APOBR: variants seen among roughly 807,000 people sequenced by gnomAD.
APOBR encodes apolipoprotein B receptor, also known as apoB-48R.
In APOBR, 57 loss-of-function variants were observed where a neutral mutation model predicts 88.5. The ratio of observed to expected loss-of-function variants is 0.64; its 90% confidence interval spans 0.52 to 0.80. APOBR has a LOEUF of 0.80. Ranked by LOEUF, APOBR falls within the 30% of genes least tolerant of loss-of-function variation. The probability of loss-of-function intolerance (pLI) is 0.00; values close to 1 mark genes in which losing one functional copy is unlikely to be tolerated. For synonymous variants in APOBR, 588 were observed against 572.7 expected, an observed-to-expected ratio of 1.03 and a Z score of -0.38; for missense variants, 1,443 against 1,401.6, an observed-to-expected ratio of 1.03 and a Z score of -0.47.
Position 28,496,560 on chromosome 16 carries a change from G to A in APOBR, c.1519G>A (p.Glu507Lys). Residue 507 changes from glutamate to lysine, a missense_variant, in exon 2 of 4, where the codon GAG becomes AAG. Coordinates refer to ENST00000564831, the MANE Select transcript of APOBR (RefSeq NM_018690.4). ...AGGGAGCAGCAGGGATCCAGTGGCT[G>A]AGCTGCCCTCAGATGGAGAGGCTGA... ...ERGSSRDPVA[E>K]LPSDGEAEGT... The A allele has an allele frequency of 6.4e-7, 1 of 1,564,502 alleles. No individual in the cohort carries two copies. The highest frequency in any genetic ancestry group is 8.7e-7 in the Non-Finnish European group (1 of 1,155,238).
Position 28,498,121 on chromosome 16 carries a change from G to A in APOBR, c.2996G>A (p.Arg999Lys). The change falls in exon 3 of 4, where the codon AGG (arginine) becomes AAG (lysine). Residue 999 changes from arginine (R) to lysine (K), a missense_variant. Coordinates refer to ENST00000564831, the MANE Select transcript of APOBR (RefSeq NM_018690.4). ...PGSLLDVSVP[R>K]SRVHLSRSSS... ...TCCCTCCTAGACGTCTCTGTCCCAAGGAGTCGCGTGCACCTCTCGAGAAGC... is the reference window on the plus strand; with the variant it reads ...TCCCTCCTAGACGTCTCTGTCCCAAAGAGTCGCGTGCACCTCTCGAGAAGC... The A allele has an allele frequency of 1.3e-6, 2 of 1,590,960 alleles. No individual in the cohort carries two copies. Among genetic ancestry groups the A allele is most frequent in the South Asian group, 1.1e-5 (1 of 90,542 alleles).
At position 28,497,945 on chromosome 16, in the gene APOBR, G is replaced by T. The variant is rs747415299; in HGVS notation, c.2904G>T (p.Thr968=). 6.2e-7 allele frequency: 1 copy of T among 1,612,966 alleles called. No individual in the cohort carries two copies. Among genetic ancestry groups the T allele is most frequent in the Admixed American group, 1.7e-5 (1 of 59,914 alleles). The part of the protein sequence containing the change: ...AAPESVGEAE[T]AEAMGSARGG... ...CGGAGTCAGTCGGGGAAGCCGAGAC[G>T]GCTGAGGCCATGGGCAGTGCCAGAG... Residue 968 remains threonine (T), a synonymous_variant, in exon 2 of 4, where the codon ACG becomes ACT. Transcript: ENST00000564831.
Position 28,495,479 on chromosome 16 carries a change from TG to T in APOBR, c.442del (p.Ala148LeufsTer20). On this transcript the variant is annotated frameshift_variant, in exon 2 of 4. Transcript: ENST00000564831. LOFTEE classifies it high-confidence loss of function. ...EARKKSKAGS[G>X]ACQDRSGQAQ... Reference sequence around the variant, plus strand: ...CCAGAAAGAAATCCAAGGCAGGGTCTGGGGCTTGCCAAGACAGGAGCGGCCA... The same window carrying T: ...CCAGAAAGAAATCCAAGGCAGGGTCTGGGCTTGCCAAGACAGGAGCGGCCA... 6.4e-7 allele frequency: 1 copy of T among 1,564,656 alleles called. No homozygotes were observed. The highest frequency in any genetic ancestry group is 8.7e-7 in the Non-Finnish European group (1 of 1,154,870).
In APOBR at chr16:28,498,100, T is replaced by C; in HGVS notation, c.2975T>C (p.Leu992Pro). 1.3e-6 allele frequency: 2 copies of C among 1,575,854 alleles called. No homozygotes were observed. The highest frequency in any genetic ancestry group is 1.7e-6 in the Non-Finnish European group (2 of 1,165,580). The change falls in exon 3 of 4, where the codon CTC (leucine) becomes CCC (proline). Residue 992 changes from leucine (L) to proline (P), a missense_variant. Transcript: ENST00000564831. ...SWSEAPLPGS[L>P]LDVSVPRSRV... ...CTGCAGGCCCCGCTCCCCGGGTCCC[T>C]CCTAGACGTCTCTGTCCCAAGGAGT... is the stretch of plus-strand genomic sequence containing the variant.
rs1435137671 is a variant in APOBR at position 28,495,656 on chromosome 16, G to A, written c.615G>A (p.Glu205=). 1.2e-5 allele frequency: 19 copies of A among 1,547,706 alleles called. No individual in the cohort carries two copies. Among genetic ancestry groups the A allele is most frequent in the Non-Finnish European group, 1.6e-5 (18 of 1,144,500 alleles). The change falls in exon 2 of 4, where the codon GAG becomes GAA. Residue 205 remains glutamate (E), a synonymous_variant. Coordinates refer to ENST00000564831, the MANE Select transcript of APOBR (RefSeq NM_018690.4). Reference sequence around the variant, plus strand: ...AGTCAGAGTGGACCTGGCATGGGGAGACGGAGGGGAAGGCTGGTGCTGTTG... The same window carrying A: ...AGTCAGAGTGGACCTGGCATGGGGAAACGGAGGGGAAGGCTGGTGCTGTTG... ...GAESEWTWHG[E]TEGKAGAVGP...
At position 28,497,061 on chromosome 16, in the gene APOBR, C is replaced by T. The variant is rs762408324; in HGVS notation, c.2020C>T (p.Pro674Ser). The T allele has an allele frequency of 6.3e-7, 1 of 1,592,436 alleles. No homozygotes were observed. The highest frequency in any genetic ancestry group is 1.1e-5 in the South Asian group (1 of 87,790). ...CCGAGAGTCTGAACTATCAGAAGTC[C>T]CAGAGGCAGGCGGGGAGGGGCTGAC... ...GDRESELSEV[P>S]EAGGEGLTTQ... is the part of the protein sequence containing the mutation. Residue 674 changes from proline to serine, a missense_variant, in exon 2 of 4, where the codon CCA becomes TCA. By Grantham distance (74) the Pro-to-Ser change is moderately conservative. Coordinates refer to ENST00000564831, the MANE Select transcript of APOBR (RefSeq NM_018690.4).
chr16:28,498,514 C>T lies in APOBR; in HGVS notation c.*9C>T, dbSNP rs752188528. On this transcript the variant is annotated 3_prime_UTR_variant, in exon 4 of 4. Coordinates refer to ENST00000564831, the MANE Select transcript of APOBR (RefSeq NM_018690.4). ...GGCCTAAGCCCCAGTGACTGAGACC[C>T]GGTGCTCTGGGAGCCAGGCCCTGAG... The T allele has an allele frequency of 1.2e-5, 19 of 1,586,368 alleles. No individual in the cohort carries two copies. The Admixed American group carries it at 1.3e-4, about 10-fold the overall frequency.
Position 28,495,146 on chromosome 16 carries a change from C to A in APOBR, c.105C>A (p.Pro35=). 6.4e-7 allele frequency: 1 copy of A among 1,561,538 alleles called. No individual in the cohort carries two copies. Among genetic ancestry groups the A allele is most frequent in the East Asian group, 2.3e-5 (1 of 43,794 alleles). ...FVSYLLGDAV[P]TVEREAQAAE... is the part of the protein sequence containing the mutation. ...CCTACCTCCTGGGAGATGCAGTCCC[C>A]ACTGTAGAGCGGGAGGCGCAGGCGG... The change falls in exon 2 of 4, where the codon CCC becomes CCA. Residue 35 remains proline, a synonymous_variant. Transcript: ENST00000564831.
Position 28,496,199 on chromosome 16 carries a change from C to CA in APOBR, c.1159dup (p.Arg387LysfsTer29), listed in dbSNP as rs772191049. 1 of 1,577,162 alleles carries CA rather than the reference C, an allele frequency of 6.3e-7. No individual in the cohort carries two copies. Among genetic ancestry groups the CA allele is most frequent in the Non-Finnish European group, 8.6e-7 (1 of 1,163,558 alleles). ...AAGAGGAGGCTGACCTGCTGGGAGT[C>CA]AGACAGACAGAATATGGAGCAGTCC... On this transcript the variant is annotated frameshift_variant, in exon 2 of 4. Coordinates refer to ENST00000564831, the MANE Select transcript of APOBR (RefSeq NM_018690.4). LOFTEE classifies it high-confidence loss of function.
rs758959943 is a variant in APOBR, at chr16:28,495,382, A to C, written c.341A>C (p.Glu114Ala). The C allele has an allele frequency of 7.0e-6, 11 of 1,562,774 alleles. No individual in the cohort carries two copies. In the East Asian group the frequency reaches 2.6e-4, roughly 37 times the overall value. ...GDGSSHGSQAERQDSGAGETA... is the reference protein window; with the variant it reads ...GDGSSHGSQAARQDSGAGETA... ...GGCAGCTCCCATGGGTCCCAAGCAG[A>C]GAGGCAGGACAGTGGGGCTGGGGAG... Residue 114 changes from glutamate (E) to alanine (A), a missense_variant, in exon 2 of 4, where the codon GAG becomes GCG. Glu to Ala is a moderately radical substitution (Grantham distance 107). Transcript: ENST00000564831.
At position 28,497,404 on chromosome 16, in the gene APOBR, A is replaced by G. The variant is rs142014155; in HGVS notation, c.2363A>G (p.Gln788Arg). 1.2e-6 allele frequency: 2 copies of G among 1,613,292 alleles called. No homozygotes were observed. Among genetic ancestry groups the G allele is most frequent in the East Asian group, 2.2e-5 (1 of 44,858 alleles). The change falls in exon 2 of 4, where the codon CAA becomes CGA. Residue 788 changes from glutamine (Q) to arginine (R), a missense_variant. Coordinates refer to ENST00000564831, the MANE Select transcript of APOBR (RefSeq NM_018690.4). Reference sequence around the variant, plus strand: ...GAAGCTTTGGAAGGGGTGCTTGGGCAAGGCTGGGACTCGAAAGAAAAGGAA... The same window carrying G: ...GAAGCTTTGGAAGGGGTGCTTGGGCGAGGCTGGGACTCGAAAGAAAAGGAA... Reference protein sequence around the residue: ...AGEALEGVLGQGWDSKEKEEA... With the variant: ...AGEALEGVLGRGWDSKEKEEA...
chr16:28,497,724 G>C lies in APOBR; in HGVS notation c.2683G>C (p.Glu895Gln), dbSNP rs752368100. Residue 895 changes from glutamate to glutamine, a missense_variant, in exon 2 of 4, where the codon GAA becomes CAA. Transcript: ENST00000564831. ...EEEAVGWQER[E>Q]QREDSEGRCG... ...AGAGGCTGTTGGATGGCAGGAGAGA[G>C]AACAGAGGGAAGACAGTGAGGGGCG... The C allele has an allele frequency of 6.2e-7, 1 of 1,604,848 alleles. No individual in the cohort carries two copies. Among genetic ancestry groups the C allele is most frequent in the East Asian group, 2.2e-5 (1 of 44,592 alleles).
chr16:28,495,240 C>A lies in APOBR; in HGVS notation c.199C>A (p.Leu67Met). ...KIVEEEAQEDLEGLRGSQNEG... is the reference protein window; with the variant it reads ...KIVEEEAQEDMEGLRGSQNEG... ...TGTAGAGGAGGAAGCCCAGGAGGAC[C>A]TGGAGGGCCTTAGAGGCAGCCAAAA... The change falls in exon 2 of 4, where the codon CTG becomes ATG. Residue 67 changes from leucine to methionine, a missense_variant. Leu to Met is a conservative substitution (Grantham distance 15). Coordinates refer to ENST00000564831, the MANE Select transcript of APOBR (RefSeq NM_018690.4). 2 of 1,541,228 alleles carry A rather than the reference C, an allele frequency of 1.3e-6. No individual in the cohort carries two copies. Among genetic ancestry groups the A allele is most frequent in the East Asian group, 2.3e-5 (1 of 43,402 alleles).
rs1201031654 is a variant in APOBR at position 28,496,261 on chromosome 16, G to A, written c.1220G>A (p.Trp407Ter). ...ERLLEATGKV[W>*]VLEEEGDEER... The stretch of plus-strand genomic sequence containing the variant: ...CTCCTAGAGGCTACTGGAAAAGTCT[G>A]GGTCCTAGAGGAGGAGGGGGATGAG... The change falls in exon 2 of 4, where the codon TGG (tryptophan) becomes TAG (stop). Residue 407 changes from tryptophan to a stop codon, truncating the protein, a stop_gained. Transcript: ENST00000564831. LOFTEE classifies it high-confidence loss of function. 6.2e-7 allele frequency: 1 copy of A among 1,603,716 alleles called. No homozygotes were observed. Among genetic ancestry groups the A allele is most frequent in the Non-Finnish European group, 8.5e-7 (1 of 1,175,478 alleles).
rs1342222974 is a variant in APOBR at position 28,498,090 on chromosome 16, C to T, written c.2965C>T (p.Pro989Ser). The change falls in exon 3 of 4, where the codon CCC (proline) becomes TCC (serine). Residue 989 changes from proline to serine, a missense_variant. Pro to Ser is a moderately conservative substitution (Grantham distance 74). Coordinates refer to ENST00000564831, the MANE Select transcript of APOBR (RefSeq NM_018690.4). ...GCCCCCTTTCCTGCAGGCCCCGCTC[C>T]CCGGGTCCCTCCTAGACGTCTCTGT... ...AANSWSEAPLPGSLLDVSVPR... is the reference protein window; with the variant it reads ...AANSWSEAPLSGSLLDVSVPR... 1.3e-6 allele frequency: 2 copies of T among 1,553,142 alleles called. No homozygotes were observed. The highest frequency in any genetic ancestry group is 1.7e-6 in the Non-Finnish European group (2 of 1,154,988).
chr16:28,496,299 G>C lies in APOBR; in HGVS notation c.1258G>C (p.Glu420Gln), dbSNP rs778191419. 1.3e-6 allele frequency: 2 copies of C among 1,592,596 alleles called. No homozygotes were observed. Among genetic ancestry groups the C allele is most frequent in the Non-Finnish European group, 1.7e-6 (2 of 1,170,548 alleles). Residue 420 changes from glutamate (E) to glutamine (Q), a missense_variant, in exon 2 of 4, where the codon GAG (glutamate) becomes CAG (glutamine). Transcript: ENST00000564831. The part of the protein sequence containing the change: ...EEEGDEEREA[E>Q]VSPFPKQPQV... ...GGAGGGGGATGAGGAGAGAGAGGCT[G>C]AGGTGAGCCCTTTCCCCAAACAGCC...
Position 28,495,968 on chromosome 16 carries a change from G to C in APOBR, c.927G>C (p.Glu309Asp). 6.2e-7 allele frequency: 1 copy of C among 1,609,390 alleles called. No homozygotes were observed. Residue 309 changes from glutamate to aspartate, a missense_variant, in exon 2 of 4, where the codon GAG becomes GAC. Glu to Asp is a conservative substitution (Grantham distance 45). Coordinates refer to ENST00000564831, the MANE Select transcript of APOBR (RefSeq NM_018690.4). ...CCAGGACAATCTCAGGCGGGGAGGA[G>C]GCTGAGACAGCCTCAGGCGGGGAGG... is the stretch of plus-strand genomic sequence containing the variant. ...EEARTISGGE[E>D]AETASGGEEA...
Position 28,497,367 on chromosome 16 carries a change from G to A in APOBR, c.2326G>A (p.Ala776Thr). 1 of 1,611,350 alleles carries A rather than the reference G, an allele frequency of 6.2e-7. No homozygotes were observed. The highest frequency in any genetic ancestry group is 2.2e-5 in the East Asian group (1 of 44,822). The change falls in exon 2 of 4, where the codon GCT (alanine) becomes ACT (threonine). Residue 776 changes from alanine (A) to threonine (T), a missense_variant. Ala to Thr is a moderately conservative substitution (Grantham distance 58). Transcript: ENST00000564831. Reference protein sequence around the residue: ...GGDVVPHISAAGAGEALEGVL... With the variant: ...GGDVVPHISATGAGEALEGVL... The stretch of plus-strand genomic sequence containing the variant: ...TGATGTGGTCCCACACATCAGCGCT[G>A]CTGGCGCTGGTGAAGCTTTGGAAGG...
In APOBR at chr16:28,495,748, CTGA is replaced by C. The variant is rs2046385519; in HGVS notation, c.708_710del (p.Glu238del). 10 of 1,542,672 alleles carry C rather than the reference CTGA, an allele frequency of 6.5e-6. No individual in the cohort carries two copies. The Admixed American group carries it at 1.9e-4, about 29-fold the overall frequency. Reference sequence around the variant, plus strand: ...GTCAGGGAGGCAGATGCAGGGGAAACTGAGGAGCCTGGGGCCGAAGGGGCTGGG... The same window carrying C: ...GTCAGGGAGGCAGATGCAGGGGAAACGGAGCCTGGGGCCGAAGGGGCTGGG... On this transcript the variant is annotated inframe_deletion, in exon 2 of 4. Coordinates refer to ENST00000564831, the MANE Select transcript of APOBR (RefSeq NM_018690.4).
Sources: allele counts gnomAD v4.1 joint callset, GRCh38; gene constraint gnomAD v4.1.1; transcripts MANE v1.5; gene names NCBI Gene and HGNC (gene_info 2026-07-23, HGNC 2026-07-21).